RIOK2: variants seen among roughly 807,000 people sequenced by gnomAD.
RIOK2 encodes the protein RIO kinase 2.
RIOK2 carries 46 observed loss-of-function variants against 62.4 expected under a neutral mutation model. That is an observed-to-expected ratio of 0.74 (90% CI 0.58 to 0.94). The LOEUF is 0.94. RIOK2 is among the 40% of genes least tolerant of loss of function. RIOK2 has a pLI of 0.00. For missense variants in RIOK2, 574 were observed against 658.0 expected (o/e 0.87, Z 1.40); for synonymous variants, 197 against 216.0 (o/e 0.91, Z 0.77).
Position 97,161,664 on chromosome 5 carries a change from T to C in RIOK2, c.*1397A>G, listed in dbSNP as rs1262116294. 1 of 152,186 alleles carries C rather than the reference T, an allele frequency of 6.6e-6. No homozygotes were observed. The highest frequency in any genetic ancestry group is 1.5e-5 in the Non-Finnish European group (1 of 68,026). The allele number at this position is 152,186 out of a possible 1,614,324, so 9.4% of individuals were successfully genotyped here. Reference sequence around the variant, plus strand: ...TTTCTTAATAGTAATGGGCTTTTTATGTAGTAGATACTCAAAAGTCAACTG... The same window carrying C: ...TTTCTTAATAGTAATGGGCTTTTTACGTAGTAGATACTCAAAAGTCAACTG... On this transcript the variant is annotated 3_prime_UTR_variant, in exon 10 of 10. Coordinates refer to ENST00000283109, the MANE Select transcript of RIOK2 (RefSeq NM_018343.3).
At position 97,179,147 on chromosome 5, in the gene RIOK2, A is replaced by G. The variant is rs757303786; in HGVS notation, c.113T>C (p.Ile38Thr). The G allele has an allele frequency of 5.0e-6, 8 of 1,613,804 alleles. No homozygotes were observed. The East Asian group carries it at 1.3e-4, about 27-fold the overall frequency. Reference protein sequence around the residue: ...KNHEIVPGSLIASIASLKHGG... With the variant: ...KNHEIVPGSLTASIASLKHGG... Reference sequence around the variant, plus strand: ...ATGTTTAAGGCTGGCTATAGAAGCAATCAAACTGCCGGGAACAATTTCATG... The same window carrying G: ...ATGTTTAAGGCTGGCTATAGAAGCAGTCAAACTGCCGGGAACAATTTCATG... Residue 38 changes from isoleucine (I) to threonine (T), a missense_variant, in exon 2 of 10, where the codon ATT becomes ACT. By Grantham distance (89) the Ile-to-Thr change is moderately conservative. Transcript: ENST00000283109.
chr5:97,180,004 T>TATATATATAATATATATATATAA (rs1491354180), intron 1 of RIOK2, among the ~76,000 whole-genome samples: 7 of 36,670 alleles, frequency 1.9e-4, no homozygotes, highest in African/African-American at 4.5e-4. Flanking sequence ...TATATATATA[T>TATATATATAATATATATATATAA]TATATATATA....
intron 4 of RIOK2, among the ~76,000 whole-genome samples, chr5:97,174,823 G>A (rs182468046): frequency 1.3e-4 from 20 of 151,882 alleles, no homozygotes; most frequent in Admixed American, 1.0e-3. Flanking sequence ...TTATAACCCC[G>A]GTACTTTGGG....
chr5:97,180,142 G>GTATATATA (rs372779229), intron 1 of RIOK2, among the ~76,000 whole-genome samples: 6 of 96,058 alleles, frequency 6.2e-5, no homozygotes, highest in African/African-American at 2.5e-4. Context: ...ATATATATAT[G>GTATATATA]TATATATATA....
chr5:97,163,002 A>T lies in RIOK2; in HGVS notation c.*59T>A, dbSNP rs1469354663. ...GCTCAAAAAAGACAAATGAGGGCTCAAAAAGGAATTACAGTAACTTTAAAA... is the reference window on the plus strand; with the variant it reads ...GCTCAAAAAAGACAAATGAGGGCTCTAAAAGGAATTACAGTAACTTTAAAA... On this transcript the variant is annotated 3_prime_UTR_variant, in exon 10 of 10. Coordinates refer to ENST00000283109, the MANE Select transcript of RIOK2 (RefSeq NM_018343.3). The T allele has an allele frequency of 2.1e-6, 3 of 1,406,862 alleles. No individual in the cohort carries two copies. The highest frequency in any genetic ancestry group is 2.9e-6 in the Non-Finnish European group (3 of 1,037,616). The allele number at this position is 1,406,862 out of a possible 1,614,324, so 87.1% of individuals were successfully genotyped here.
intron 7 of RIOK2, among the ~76,000 whole-genome samples, chr5:97,168,215 AAT>A (rs1400535509): frequency 1.3e-5 from 2 of 152,244 alleles, no homozygotes; most frequent in Non-Finnish European, 2.9e-5. Context: ...GAAAAGCAAC[AAT>A]ATAAATAAAA....
At position 97,183,172 on chromosome 5, in the gene RIOK2, G is replaced by T; in HGVS notation, c.20C>A (p.Ala7Asp). MGKVNVAKLRYMSRDDF... is the reference protein window; with the variant it reads MGKVNVDKLRYMSRDDF... ...ATCTCGGCTCATGTAACGCAACTTG[G>T]CCACATTCACTTTCCCCATGGCGGC... The change falls in exon 1 of 10, where the codon GCC (alanine) becomes GAC (aspartate). Residue 7 changes from alanine (A) to aspartate (D), a missense_variant. By Grantham distance (126) the Ala-to-Asp change is moderately radical (BLOSUM62 -2). Transcript: ENST00000283109. 6.2e-7 allele frequency: 1 copy of T among 1,614,098 alleles called. No homozygotes were observed. Among genetic ancestry groups the T allele is most frequent in the Non-Finnish European group, 8.5e-7 (1 of 1,179,986 alleles).
At position 97,167,792 on chromosome 5, in the gene RIOK2, A is replaced by G; in HGVS notation, c.1072T>C (p.Cys358Arg). 1 of 1,614,170 alleles carries G rather than the reference A, an allele frequency of 6.2e-7. No homozygotes were observed. Among genetic ancestry groups the G allele is most frequent in the Non-Finnish European group, 8.5e-7 (1 of 1,180,012 alleles). Residue 358 changes from cysteine to arginine, a missense_variant, in exon 8 of 10, where the codon TGT becomes CGT. By Grantham distance (180) the Cys-to-Arg change is radical. Coordinates refer to ENST00000283109, the MANE Select transcript of RIOK2 (RefSeq NM_018343.3). ...TAGCAGCCCTCTGATTCTTCTAGAC[A>G]GTTCCGTTCACTTTCATTTTCTGAC... is the stretch of plus-strand genomic sequence containing the variant. Reference protein sequence around the residue: ...YGSENESERNCLEESEGCYCR... With the variant: ...YGSENESERNRLEESEGCYCR...
chr5:97,178,060 G>A (rs1211176473), intron 2 of RIOK2, among the ~76,000 whole-genome samples: 2 of 152,102 alleles, frequency 1.3e-5, no homozygotes, highest in South Asian at 2.1e-4. Context: ...AGGTCTGTAA[G>A]TGTTTGTGAC....
intron 7 of RIOK2, among the ~76,000 whole-genome samples, chr5:97,168,224 A>G (rs549827392): frequency 1.3e-5 from 2 of 152,384 alleles, no homozygotes; most frequent in South Asian, 2.1e-4. Context: ...CAATATAAAT[A>G]AAAAGGTTAT....
At chr5:97,171,974 C>T (rs754917110) in intron 5 of RIOK2, among the ~76,000 whole-genome samples, 7 of 152,150 alleles carry the variant, frequency 4.6e-5, no homozygotes, top group Non-Finnish European at 7.3e-5. Flanking sequence ...TGTGGTCTGT[C>T]AGTTGACCTC....
In RIOK2 at chr5:97,163,049, A is replaced by T; in HGVS notation, c.*12T>A. 6.3e-7 allele frequency: 1 copy of T among 1,599,194 alleles called. No homozygotes were observed. The highest frequency in any genetic ancestry group is 1.1e-5 in the South Asian group (1 of 89,716). The stretch of plus-strand genomic sequence containing the variant: ...AAAAAATATATTAAACATATCCAAG[A>T]TCCTAAATATATTATTCTCCCCAAA... On this transcript the variant is annotated 3_prime_UTR_variant, in exon 10 of 10. Coordinates refer to ENST00000283109, the MANE Select transcript of RIOK2 (RefSeq NM_018343.3).
chr5:97,173,376 A>G (rs1749070227), intron 4 of RIOK2, 113 bp from the exon 5 acceptor site: 1 of 722,548 alleles, frequency 1.4e-6, no homozygotes, highest in Non-Finnish European at 2.3e-6. Flanking sequence ...AACCTTTATA[A>G]AATTGTAGTT....
intron 5 of RIOK2, among the ~76,000 whole-genome samples, chr5:97,172,816 T>A (rs180946836): frequency 1.2e-4 from 19 of 152,386 alleles, no homozygotes; most frequent in South Asian, 4.1e-4. Flanking sequence ...TGCTTTTTTT[T>A]ATCCATAGTA....
rs1561520412 is a variant in RIOK2 at position 97,177,198 on chromosome 5, C to T, written c.416G>A (p.Arg139His). Residue 139 changes from arginine to histidine, a missense_variant, in exon 4 of 10, where the codon CGC becomes CAC. By Grantham distance (29) the Arg-to-His change is conservative (BLOSUM62 0). Coordinates refer to ENST00000283109, the MANE Select transcript of RIOK2 (RefSeq NM_018343.3). ...RTSFRNLKNK[R>H]DYHKHRHNVS... ...ATTGTGCCTATGTTTATGATAATCG[C>T]GTTTGTTTTTCAAATTTCGAAACGA... 4.3e-6 allele frequency: 7 copies of T among 1,613,246 alleles called. No homozygotes were observed. The highest frequency in any genetic ancestry group is 1.7e-5 in the Admixed American group (1 of 59,986).
intron 2 of RIOK2, among the ~76,000 whole-genome samples, chr5:97,178,605 T>C (rs1749241884): frequency 6.7e-6 from 1 of 149,964 alleles, no homozygotes. Context: ...TCTGCAGTAC[T>C]CTATGTGCTC....
rs968196808 is a variant in RIOK2, at chr5:97,177,242, A to G, written c.372T>C (p.Leu124=). The G allele has an allele frequency of 3.1e-6, 5 of 1,613,428 alleles. No homozygotes were observed. In the African/African-American group the frequency reaches 5.3e-5, roughly 17 times the overall value. Residue 124 remains leucine, a synonymous_variant, in exon 4 of 10, where the codon CTT becomes CTC. Transcript: ENST00000283109. Reference sequence around the variant, plus strand: ...GAAACGAGGTTCTTCCTAGTCTGTGAAGCTTTAATGCAAATTGTTGTCCTT... The same window carrying G: ...GAAACGAGGTTCTTCCTAGTCTGTGGAGCTTTAATGCAAATTGTTGTCCTT... ...NEEGQQFALK[L]HRLGRTSFRN... is the part of the protein sequence containing the mutation.
intron 1 of RIOK2, 199 bp downstream of exon 1, chr5:97,182,927 C>A: frequency 1.5e-6 from 1 of 664,816 alleles, no homozygotes; most frequent in South Asian, 1.6e-5. Context: ...GGGACCTTTG[C>A]TCTATCTGGG....
intron 9 of RIOK2, 145 bp from the exon 10 acceptor site, chr5:97,163,370 G>T: frequency 1.4e-6 from 1 of 700,490 alleles, no homozygotes; most frequent in South Asian, 1.9e-5. Context: ...TTATATAGGA[G>T]AAATTAAATT....
Sources: allele counts gnomAD v4.1 joint callset (sites outside exome capture counted in the v4.1 genomes callset), GRCh38; gene constraint gnomAD v4.1.1; transcripts MANE v1.5; gene names NCBI Gene and HGNC (gene_info 2026-07-23, HGNC 2026-07-21).